C19orf44: variants seen among roughly 807,000 people sequenced by gnomAD.
C19orf44 encodes the protein uncharacterized protein C19orf44.
In C19orf44, 43 loss-of-function variants were observed where a neutral mutation model predicts 50.7. That is an observed-to-expected ratio of 0.85 (90% confidence interval 0.66 to 1.09). The LOEUF (loss-of-function observed/expected upper bound fraction) is 1.09, where lower values mean the gene tolerates loss of function less well. Ranked by LOEUF, C19orf44 falls within the 50% of genes least tolerant of loss-of-function variation. The probability of loss-of-function intolerance (pLI) is 0.00; values close to 1 mark genes in which losing one functional copy is unlikely to be tolerated. For synonymous variants in C19orf44, 298 were observed against 334.7 expected, an observed-to-expected ratio of 0.89 and a Z score of 1.20; for missense variants, 722 against 836.2, an observed-to-expected ratio of 0.86 and a Z score of 1.68.
chr19:16,496,501 C>A, intron 1 of C19orf44, 36 bp downstream of exon 1: 1 of 310,078 alleles, frequency 3.2e-6, no homozygotes, highest in South Asian at 2.9e-5. Flanking sequence ...CCTAGCTGGG[C>A]GTCCGGGCTC....
At chr19:16,498,876 T>A (rs1302660905) in intron 1 of C19orf44, among the ~76,000 whole-genome samples, 2 of 151,570 alleles carry the variant, frequency 1.3e-5, no homozygotes, top group African/African-American at 2.4e-5. Flanking sequence ...TTCACTGTGT[T>A]AGCCAGGATG....
chr19:16,508,603 C>T (rs908479444), intron 4 of C19orf44, among the ~76,000 whole-genome samples: 8 of 152,224 alleles, frequency 5.3e-5, no homozygotes, highest in Middle Eastern at 3.4e-3. Context: ...CCAGGCTGGT[C>T]TTGAACTCCC....
chr19:16,512,385 C>T (rs1168505889), intron 5 of C19orf44, among the ~76,000 whole-genome samples: 2 of 152,184 alleles, frequency 1.3e-5, no homozygotes, highest in East Asian at 1.9e-4. Flanking sequence ...CCAGAGAACA[C>T]GCAACATCCT....
chr19:16,518,990 C>T lies in C19orf44; in HGVS notation c.*41-1104C>T, dbSNP rs1325667337. Reference sequence around the variant, plus strand: ...CACCCGTGCCCTCCACGCCATGGAGCACGGCGTTCCCACTGGGCATGCGCT... The same window carrying T: ...CACCCGTGCCCTCCACGCCATGGAGTACGGCGTTCCCACTGGGCATGCGCT... On this transcript the variant is annotated intron_variant, in intron 8 of 8. Transcript: ENST00000221671. 10 of 668,970 alleles carry T rather than the reference C, an allele frequency of 1.5e-5. No homozygotes were observed. In the East Asian group the frequency reaches 2.8e-4, roughly 19 times the overall value. 41.4% of individuals were successfully genotyped at this position (668,970 alleles called of 1,614,324 possible).
intron 1 of C19orf44, among the ~76,000 whole-genome samples, chr19:16,498,638 C>T (rs1048193057): frequency 6.6e-6 from 1 of 151,496 alleles, no homozygotes; most frequent in Non-Finnish European, 1.5e-5. Context: ...TATAGCCATG[C>T]TAGGGGATGT....
In C19orf44 at chr19:16,519,414, G is replaced by A; in HGVS notation, c.*41-680G>A. On this transcript the variant is annotated intron_variant, in intron 8 of 8. Transcript: ENST00000221671. The surrounding 1 kb of genome is among the most constrained non-coding windows in gnomAD (Gnocchi z 6.0). ...GGAGGCAGATGGGGGTGCACGTGGG[G>A]GGCTGAATGTCCAGACAGGCAGTGT... 6.6e-7 allele frequency: 1 copy of A among 1,523,700 alleles called. No individual in the cohort carries two copies. Among genetic ancestry groups the A allele is most frequent in the Admixed American group, 1.8e-5 (1 of 54,568 alleles). 94.4% of individuals were successfully genotyped at this position (1,523,700 alleles called of 1,614,324 possible).
Position 16,496,408 on chromosome 19 carries a change from C to G in C19orf44, c.-59C>G. ...GCTCTGGCTCTGTTGCCCAGGGCAA[C>G]CGCTCCTTCAGGCGTGAATGTGGCG... is the stretch of plus-strand genomic sequence containing the variant. On this transcript the variant is annotated 5_prime_UTR_variant, in exon 1 of 9. Transcript: ENST00000221671. The G allele has an allele frequency of 4.1e-6, 2 of 493,816 alleles. No individual in the cohort carries two copies. Among genetic ancestry groups the G allele is most frequent in the Non-Finnish European group, 7.4e-6 (2 of 271,186 alleles). The allele number at this position is 493,816 out of a possible 1,614,324, so 30.6% of individuals were successfully genotyped here. A position where few individuals can be genotyped will look rare whatever the true frequency, so the allele number is the denominator to read the frequency against.
chr19:16,503,372 G>A lies in C19orf44; in HGVS notation c.1067G>A (p.Ser356Asn), dbSNP rs1355858097. 1.9e-6 allele frequency: 3 copies of A among 1,609,038 alleles called. No homozygotes were observed. Among genetic ancestry groups the A allele is most frequent in the South Asian group, 2.2e-5 (2 of 90,814 alleles). Residue 356 changes from serine (S) to asparagine (N), a missense_variant, in exon 3 of 9, where the codon AGC (serine) becomes AAC (asparagine). By Grantham distance (46) the Ser-to-Asn change is conservative. Coordinates refer to ENST00000221671, the MANE Select transcript of C19orf44 (RefSeq NM_032207.4). ...CCAGTCTCAGAAGGTGCTGATGACA[G>A]CCTCGACGGTAATCCCAGTCCCGGT... is the stretch of plus-strand genomic sequence containing the variant. ...DEPVSEGADD[S>N]LDEFRINILS...
At chr19:16,517,380 C>G in intron 8 of C19orf44, 39 bp downstream of exon 8, 1 of 1,408,372 alleles carries the variant, frequency 7.1e-7, no homozygotes, top group Non-Finnish European at 9.9e-7. Flanking sequence ...CACACGCACA[C>G]AAACATAGAG....
intron 5 of C19orf44, 26 bp from the exon 6 acceptor site, chr19:16,512,988 T>C: frequency 6.2e-7 from 1 of 1,603,556 alleles, no homozygotes; most frequent in Non-Finnish European, 8.5e-7. Context: ...CCTGCCTGCT[T>C]ACCCCTCTCT....
chr19:16,520,779 G>A lies in C19orf44; in HGVS notation c.*726G>A. 1 of 1,560,494 alleles carries A rather than the reference G, an allele frequency of 6.4e-7. No individual in the cohort carries two copies. The highest frequency in any genetic ancestry group is 8.8e-7 in the Non-Finnish European group (1 of 1,133,670). ...TGGGGTCTGCTCCCACCCATCACAA[G>A]CTGTGGACCCTGGCCCCCCGGCCAC... On this transcript the variant is annotated 3_prime_UTR_variant, in exon 9 of 9. Transcript: ENST00000221671. This position sits in a 1 kb window ranked among gnomAD's most constrained non-coding sequence, Gnocchi z 4.0.
rs1165266017 is a variant in C19orf44 at position 16,503,138 on chromosome 19, ACCTGCCAACCT to A, written c.836_846del (p.Leu279ProfsTer24). On this transcript the variant is annotated frameshift_variant, in exon 3 of 9. Coordinates refer to ENST00000221671, the MANE Select transcript of C19orf44 (RefSeq NM_032207.4). LOFTEE classifies it high-confidence loss of function. ...AGCGCAAAGCCTTCTCAGACATCAC[ACCTGCCAACCT>A]CCCTGGCAGCAGACAGAACCCTTCA... 6 of 1,614,040 alleles carry A rather than the reference ACCTGCCAACCT, an allele frequency of 3.7e-6. No homozygotes were observed. Among genetic ancestry groups the A allele is most frequent in the Non-Finnish European group, 4.2e-6 (5 of 1,180,010 alleles).
At chr19:16,505,271 T>C (rs2093437628) in intron 3 of C19orf44, among the ~76,000 whole-genome samples, 1 of 151,576 alleles carries the variant, frequency 6.6e-6, no homozygotes, top group Non-Finnish European at 1.5e-5. Context: ...TGGAGTGCAA[T>C]GGCGTGATCT....
chr19:16,518,213 C>T (rs1335552274), intron 8 of C19orf44: 1 of 152,182 alleles, frequency 6.6e-6, no homozygotes, highest in African/African-American at 2.4e-5. Context: ...CCTCCCCTCC[C>T]TTCGGGGGTG....
rs890918682 is a variant in C19orf44, at chr19:16,520,176, C to G, written c.*123C>G. On this transcript the variant is annotated 3_prime_UTR_variant, in exon 9 of 9. Coordinates refer to ENST00000221671, the MANE Select transcript of C19orf44 (RefSeq NM_032207.4). This position sits in a 1 kb window ranked among gnomAD's most constrained non-coding sequence, Gnocchi z 4.0. The stretch of plus-strand genomic sequence containing the variant: ...CGGGGTGGGGCTCCTGGACCGTGAC[C>G]GGCGTCTTCTTCCTGGGGAGTACGA... The G allele has an allele frequency of 6.2e-7, 1 of 1,612,866 alleles. No individual in the cohort carries two copies. The highest frequency in any genetic ancestry group is 8.5e-7 in the Non-Finnish European group (1 of 1,180,006).
chr19:16,518,756 G>A (rs996349439), intron 8 of C19orf44: 5 of 219,172 alleles, frequency 2.3e-5, no homozygotes, highest in Admixed American at 1.1e-4. Flanking sequence ...CTGGGGTGCC[G>A]GCTCTGGCTC....
In C19orf44 at chr19:16,519,242, G is replaced by A. The variant is rs1382803889; in HGVS notation, c.*41-852G>A. The A allele has an allele frequency of 6.2e-7, 1 of 1,613,988 alleles. No homozygotes were observed. The highest frequency in any genetic ancestry group is 8.5e-7 in the Non-Finnish European group (1 of 1,180,046). ...CGGTAGTTCTCATAGGGGTCATCCA[G>A]AGCCACGCCCACGCCTTTATACTGG... On this transcript the variant is annotated intron_variant, in intron 8 of 8. Coordinates refer to ENST00000221671, the MANE Select transcript of C19orf44 (RefSeq NM_032207.4). This position sits in a 1 kb window ranked among gnomAD's most constrained non-coding sequence, Gnocchi z 6.0.
rs762439189 is a variant in C19orf44, at chr19:16,501,003, G to A, written c.211G>A (p.Gly71Arg). 9.9e-6 allele frequency: 16 copies of A among 1,613,670 alleles called. No individual in the cohort carries two copies. In the East Asian group the frequency reaches 2.0e-4, roughly 20 times the overall value. The stretch of plus-strand genomic sequence containing the variant: ...ACTCCTGAAAGAGAACCCTGTGCTC[G>A]GGAGTGGACCCAGGCTTGCCTCATG... Reference protein sequence around the residue: ...HLLLKENPVLGSGPRLASCRP... With the variant: ...HLLLKENPVLRSGPRLASCRP... The change falls in exon 2 of 9, where the codon GGG becomes AGG. Residue 71 changes from glycine to arginine, a missense_variant. Coordinates refer to ENST00000221671, the MANE Select transcript of C19orf44 (RefSeq NM_032207.4).
At position 16,509,523 on chromosome 19, in the gene C19orf44, A is replaced by T. The variant is rs767985308; in HGVS notation, c.1174A>T (p.Thr392Ser). Reference sequence around the variant, plus strand: ...GGAGGAAAGTGCTCAGAGACAAAAAACAGCTGGCAAAATCTTCAGAGCCGA... The same window carrying T: ...GGAGGAAAGTGCTCAGAGACAAAAATCAGCTGGCAAAATCTTCAGAGCCGA... ...QEEESAQRQK[T>S]AGKIFRAEAS... Residue 392 changes from threonine (T) to serine (S), a missense_variant, in exon 5 of 9, where the codon ACA becomes TCA. Physicochemically the swap from Thr to Ser is moderately conservative, Grantham distance 58. Transcript: ENST00000221671. 83 of 1,547,058 alleles carry T rather than the reference A, an allele frequency of 5.4e-5. No individual in the cohort carries two copies. Among genetic ancestry groups the T allele is most frequent in the Non-Finnish European group, 6.8e-5 (78 of 1,151,020 alleles).
Sources: gnomAD v4.1 joint callset for allele counts (sites outside exome capture counted in the v4.1 genomes callset) on GRCh38, gnomAD v4.1.1 for gene constraint, Gnocchi (gnomAD v3.1) non-coding constraint, MANE v1.5 for transcripts, NCBI Gene and HGNC (gene_info 2026-07-23, HGNC 2026-07-21) for gene names.